PTPRN2: variants seen among roughly 807,000 people sequenced by gnomAD.
The protein encoded by PTPRN2 is receptor-type tyrosine-protein phosphatase N2.
PTPRN2 carries 74 observed loss-of-function variants against 118.8 expected under a neutral mutation model. That is an observed-to-expected ratio of 0.62 (90% confidence interval 0.52 to 0.76). The LOEUF (loss-of-function observed/expected upper bound fraction) is 0.76, where lower values mean the gene tolerates loss of function less well. Among genes scored for constraint, PTPRN2 ranks in the 30% least tolerant of loss-of-function variants. PTPRN2 has a pLI of 0.00. For synonymous variants in PTPRN2, 641 were observed against 608.0 expected (o/e 1.05, Z -0.80); for missense variants, 1,481 against 1,394.4 (o/e 1.06, Z -0.99).
At chr7:158,575,048 G>A (rs1020300841) in intron 1 of PTPRN2, among the ~76,000 whole-genome samples, 1 of 152,206 alleles carries the variant, frequency 6.6e-6, no homozygotes, top group African/African-American at 2.4e-5. Context: ...ACACAGGAAA[G>A]TAGCATCTTT....
intron 12 of PTPRN2, among the ~76,000 whole-genome samples, chr7:157,798,009 G>A (rs912020921): frequency 5.9e-5 from 9 of 152,048 alleles, no homozygotes; most frequent in African/African-American, 2.2e-4. Flanking sequence ...CTGTAATCCC[G>A]GCACTTTGGG....
chr7:157,784,274 T>TG lies in PTPRN2; in HGVS notation c.1789-101338dup, dbSNP rs1803875773. 6.6e-6 allele frequency among the ~76,000 whole-genome samples: 1 copy of TG among 152,056 alleles called. No homozygotes were observed. The highest frequency in any genetic ancestry group is 6.5e-5 in the Admixed American group (1 of 15,284). ...ACCAACTAGGTCTCAGGAGGCCAAG[T>TG]GGGGGGCCTGCCCCCACCTCTGGGG... On this transcript the variant is annotated intron_variant, in intron 12 of 22. Coordinates refer to ENST00000389418, the MANE Select transcript of PTPRN2 (RefSeq NM_002847.5). The surrounding 1 kb of genome is among the most constrained non-coding windows in gnomAD (Gnocchi z 4.6).
chr7:157,930,327 G>A (rs970870136), intron 11 of PTPRN2, among the ~76,000 whole-genome samples: 6 of 152,192 alleles, frequency 3.9e-5, no homozygotes, highest in Non-Finnish European at 7.3e-5. Flanking sequence ...TATCACAAAC[G>A]TTGCATAATA....
intron 2 of PTPRN2, among the ~76,000 whole-genome samples, chr7:158,443,659 A>T (rs1817524499): frequency 6.6e-6 from 1 of 152,086 alleles, no homozygotes; most frequent in Non-Finnish European, 1.5e-5. Context: ...CAAGCGTGCG[A>T]GCTGCTTGTC....
rs553333161 is a variant in PTPRN2, at chr7:157,596,220, G to A, written c.2419-905C>T. On this transcript the variant is annotated intron_variant, in intron 16 of 22. Coordinates refer to ENST00000389418, the MANE Select transcript of PTPRN2 (RefSeq NM_002847.5). The surrounding 1 kb of genome is among the most constrained non-coding windows in gnomAD (Gnocchi z 4.2). Reference sequence around the variant, plus strand: ...TTCCCTGCTGGAGTTAACTCGTTGTGTGTGGGGGCTTGTTTTTGTGTATCC... The same window carrying A: ...TTCCCTGCTGGAGTTAACTCGTTGTATGTGGGGGCTTGTTTTTGTGTATCC... 6.6e-6 allele frequency among the ~76,000 whole-genome samples: 1 copy of A among 152,354 alleles called. No homozygotes were observed. Among genetic ancestry groups the A allele is most frequent in the South Asian group, 2.1e-4 (1 of 4,830 alleles).
At chr7:157,948,118 C>G (rs76061134) in intron 11 of PTPRN2, among the ~76,000 whole-genome samples, 1 of 152,184 alleles carries the variant, frequency 6.6e-6, no homozygotes, top group Admixed American at 6.5e-5. Flanking sequence ...AGAAGCCATA[C>G]AAGAAAATAA....
chr7:158,438,417 A>G lies in PTPRN2; in HGVS notation c.163+51318T>C, dbSNP rs1251356851. 6.6e-6 allele frequency among the ~76,000 whole-genome samples: 1 copy of G among 152,198 alleles called. No individual in the cohort carries two copies. The highest frequency in any genetic ancestry group is 1.5e-5 in the Non-Finnish European group (1 of 68,038). ...ATTTTTAATTGACAAATAATTGTAC[A>G]TATTTATGGGCTACGGTGTGATGTT... On this transcript the variant is annotated intron_variant, in intron 2 of 22. Transcript: ENST00000389418. The surrounding 1 kb of genome is among the most constrained non-coding windows in gnomAD (Gnocchi z 4.7).
rs1026420162 is a variant in PTPRN2 at position 158,438,247 on chromosome 7, G to A, written c.163+51488C>T. On this transcript the variant is annotated intron_variant, in intron 2 of 22. Coordinates refer to ENST00000389418, the MANE Select transcript of PTPRN2 (RefSeq NM_002847.5). This position sits in a 1 kb window ranked among gnomAD's most constrained non-coding sequence, Gnocchi z 4.7. ...ACAAAAATTAGCCAGGCGTGGTGGT[G>A]CATGCCTGTAATCCCAGCTACTGGG... Among the ~76,000 whole-genome samples, 12 of 152,042 alleles carry A rather than the reference G, an allele frequency of 7.9e-5. No individual in the cohort carries two copies. Among genetic ancestry groups the A allele is most frequent in the African/African-American group, 2.9e-4 (12 of 41,406 alleles).
At chr7:158,584,389 C>T (rs766795985) in intron 1 of PTPRN2, among the ~76,000 whole-genome samples, 7 of 152,144 alleles carry the variant, frequency 4.6e-5, no homozygotes, top group African/African-American at 7.2e-5. Flanking sequence ...CCTGAAATCA[C>T]AGAGAAAGGC....
intron 6 of PTPRN2, among the ~76,000 whole-genome samples, chr7:158,162,854 G>T (rs558325148): frequency 6.6e-6 from 1 of 152,306 alleles, no homozygotes; most frequent in South Asian, 2.1e-4. Flanking sequence ...GCAGGTACGC[G>T]TGGGTCTTCT....
chr7:157,770,433 AC>A (rs1266927742), intron 12 of PTPRN2, among the ~76,000 whole-genome samples: 5 of 152,204 alleles, frequency 3.3e-5, no homozygotes, highest in Non-Finnish European at 7.4e-5. Flanking sequence ...CCACCTCTTT[AC>A]GTTAAACCGG....
At chr7:158,104,523 G>A (rs1452587882) in intron 10 of PTPRN2, among the ~76,000 whole-genome samples, 3 of 152,120 alleles carry the variant, frequency 2.0e-5, no homozygotes, top group Non-Finnish European at 4.4e-5. Flanking sequence ...GGACAGAGAG[G>A]AGAACAGAAG....
chr7:157,858,065 C>T (rs1167610491), intron 12 of PTPRN2, among the ~76,000 whole-genome samples: 1 of 141,430 alleles, frequency 7.1e-6, no homozygotes, highest in African/African-American at 2.6e-5. Flanking sequence ...CACCCACACT[C>T]CTGCAGGGAG....
At chr7:157,897,840 C>T (rs1563219186) in intron 12 of PTPRN2, among the ~76,000 whole-genome samples, 1 of 152,284 alleles carries the variant, frequency 6.6e-6, no homozygotes, top group Non-Finnish European at 1.5e-5. Context: ...TAAATAAGCG[C>T]TCCTTCACAG....
At chr7:158,414,349 CA>C (rs1372139129) in intron 2 of PTPRN2, among the ~76,000 whole-genome samples, 2 of 152,088 alleles carry the variant, frequency 1.3e-5, no homozygotes, top group Admixed American at 1.3e-4. Flanking sequence ...CGGGCTGGAG[CA>C]TTAAGCCCCA....
intron 3 of PTPRN2, among the ~76,000 whole-genome samples, chr7:158,296,242 CA>C (rs1488676172): frequency 6.6e-6 from 1 of 152,126 alleles, no homozygotes; most frequent in Non-Finnish European, 1.5e-5. Flanking sequence ...GGCAAAGACA[CA>C]AGGGCTGGAT....
chr7:157,543,564 G>T (rs1442277585), intron 22 of PTPRN2, among the ~76,000 whole-genome samples: 1 of 152,256 alleles, frequency 6.6e-6, no homozygotes, highest in Non-Finnish European at 1.5e-5. Context: ...CTGGGGTAAG[G>T]GTCAGCCAGG....
chr7:157,810,660 G>T (rs1489595794), intron 12 of PTPRN2, among the ~76,000 whole-genome samples: 1 of 131,422 alleles, frequency 7.6e-6, no homozygotes, highest in Non-Finnish European at 1.6e-5. Flanking sequence ...CGGGACTGCT[G>T]GGGGCTGGGC....
chr7:157,871,776 CACAG>C (rs1811064313), intron 12 of PTPRN2, among the ~76,000 whole-genome samples: 1 of 151,502 alleles, frequency 6.6e-6, no homozygotes, highest in Non-Finnish European at 1.5e-5. Context: ...CACACACACA[CACAG>C]ACCCCTAAAT....
Sources: allele counts gnomAD v4.1 joint callset (sites outside exome capture counted in the v4.1 genomes callset), GRCh38; gene constraint gnomAD v4.1.1; non-coding constraint Gnocchi (gnomAD v3.1); transcripts MANE v1.5; gene names NCBI Gene and HGNC (gene_info 2026-07-23, HGNC 2026-07-21).